KCNMA1: variants seen among roughly 807,000 people sequenced by gnomAD.
KCNMA1 encodes the protein potassium calcium-activated channel subfamily M alpha 1, also known as Calcium-activated potassium channel subunit alpha-1.
A neutral mutation model predicts 140.0 loss-of-function variants in KCNMA1; 29 were observed. The observed-to-expected ratio is 0.21, with a 90% CI of 0.15 to 0.28. KCNMA1 has a LOEUF of 0.28. KCNMA1 is among the 10% of genes least tolerant of loss of function. The probability of loss-of-function intolerance (pLI) is 1.00; values close to 1 mark genes in which losing one functional copy is unlikely to be tolerated. For synonymous variants in KCNMA1, 612 were observed against 611.9 expected, an observed-to-expected ratio of 1.00 and a Z score of 0.00; for missense variants, 880 against 1,602.2, an observed-to-expected ratio of 0.55 and a Z score of 7.70.
downstream of KCNMA1, chr10:76,884,085 A>C: frequency 8.0e-5 from 46 of 576,302 alleles, no homozygotes; most frequent in Non-Finnish European, 9.9e-5. Context: ...TCACAATATC[A>C]TCTCATTGGA....
chr10:77,385,743 T>C (rs1401085928), intron 2 of KCNMA1, among the ~76,000 whole-genome samples: 3 of 152,170 alleles, frequency 2.0e-5, no homozygotes, highest in Admixed American at 6.5e-5. Flanking sequence ...GGAAAGAGGA[T>C]AGGGGCCCTG....
chr10:76,916,948 C>A (rs1265178304), intron 23 of KCNMA1, among the ~76,000 whole-genome samples: 1 of 152,182 alleles, frequency 6.6e-6, no homozygotes, highest in Non-Finnish European at 1.5e-5. Context: ...TCCCTGACTG[C>A]ACTTAAATTG....
chr10:77,025,788 G>A (rs1249221141), intron 16 of KCNMA1, among the ~76,000 whole-genome samples: 4 of 152,028 alleles, frequency 2.6e-5, no homozygotes, highest in African/African-American at 9.7e-5. Context: ...TTTAAAAAAT[G>A]TGTGTTTTCA....
chr10:77,122,689 A>G (rs1197722435), intron 5 of KCNMA1, among the ~76,000 whole-genome samples: 1 of 152,230 alleles, frequency 6.6e-6, no homozygotes, highest in Non-Finnish European at 1.5e-5. Context: ...AGGACATAAC[A>G]GAAAAGAACT....
At chr10:77,341,002 C>T (rs145917961) in intron 2 of KCNMA1, among the ~76,000 whole-genome samples, 93 of 152,242 alleles carry the variant, frequency 6.1e-4, no homozygotes, top group African/African-American at 2.1e-3. Context: ...CAGGGAGACT[C>T]AGAGATGCTC....
intron 1 of KCNMA1, among the ~76,000 whole-genome samples, chr10:77,585,269 C>T (rs187060628): frequency 4.6e-5 from 7 of 152,320 alleles, no homozygotes; most frequent in African/African-American, 1.4e-4. Context: ...AGCCCCACAA[C>T]GCACTAGCCG....
intron 1 of KCNMA1, among the ~76,000 whole-genome samples, chr10:77,617,190 T>C (rs2089883075): frequency 6.6e-6 from 1 of 152,162 alleles, no homozygotes; most frequent in Non-Finnish European, 1.5e-5. Flanking sequence ...GGGGCTACAG[T>C]GAAGTGCATT....
chr10:77,080,650 C>T (rs998087705), intron 12 of KCNMA1, among the ~76,000 whole-genome samples: 1 of 152,074 alleles, frequency 6.6e-6, no homozygotes, highest in African/African-American at 2.4e-5. Context: ...TATGCATGTG[C>T]GTACTGGGGA....
intron 2 of KCNMA1, among the ~76,000 whole-genome samples, chr10:77,349,403 T>C (rs1360311348): frequency 6.6e-6 from 1 of 152,188 alleles, no homozygotes; most frequent in Admixed American, 6.5e-5. Flanking sequence ...CCCAAGTTTA[T>C]GGTATCTTGT....
intron 15 of KCNMA1, among the ~76,000 whole-genome samples, chr10:77,037,729 T>G (rs2095689730): frequency 6.6e-6 from 1 of 152,226 alleles, no homozygotes; most frequent in Non-Finnish European, 1.5e-5. Flanking sequence ...CTGGCAGCTC[T>G]GCTATGTGCT....
intron 19 of KCNMA1, among the ~76,000 whole-genome samples, chr10:76,984,338 A>G (rs911210576): frequency 1.3e-5 from 2 of 152,062 alleles, no homozygotes; most frequent in Non-Finnish European, 2.9e-5. Flanking sequence ...AGTAGCTGAG[A>G]TTATAGGCAC....
At chr10:76,877,955 T>A in intron 29 of KCNMA1, 2 of 1,513,486 alleles carry the variant, frequency 1.3e-6, no homozygotes, top group South Asian at 1.2e-5. Flanking sequence ...AGTCCTAGGG[T>A]AAAGCCTTTG....
intron 1 of KCNMA1, among the ~76,000 whole-genome samples, chr10:77,588,576 G>A (rs773001197): frequency 3.3e-5 from 5 of 152,344 alleles, no homozygotes; most frequent in South Asian, 4.1e-4. Context: ...CAGAGGTCCC[G>A]TGCTAGGCCT....
At chr10:77,045,777 A>G (rs897924892) in intron 14 of KCNMA1, among the ~76,000 whole-genome samples, 1 of 152,160 alleles carries the variant, frequency 6.6e-6, no homozygotes, top group African/African-American at 2.4e-5. Flanking sequence ...GAAAAATTCA[A>G]CTCTCCTGGC....
chr10:77,233,336 T>C (rs2054254227), intron 3 of KCNMA1, among the ~76,000 whole-genome samples: 1 of 152,206 alleles, frequency 6.6e-6, no homozygotes, highest in South Asian at 2.1e-4. Context: ...GATTCTTCAC[T>C]TGGGGCCATA....
chr10:77,374,702 T>A lies in KCNMA1; in HGVS notation c.540+29160A>T, dbSNP rs141462617. ...CTTGCTGATGCCTTGGTCTTTTCTATCCCTTCTCTTGCAGTTTCTTTAGGT... is the reference window on the plus strand; with the variant it reads ...CTTGCTGATGCCTTGGTCTTTTCTAACCCTTCTCTTGCAGTTTCTTTAGGT... On this transcript the variant is annotated intron_variant, in intron 2 of 27. Coordinates refer to ENST00000286628, the MANE Select transcript of KCNMA1 (RefSeq NM_001161352.2). 5.5e-3 allele frequency among the ~76,000 whole-genome samples: 840 copies of A among 152,274 alleles called. 8 individuals carry two copies. Among genetic ancestry groups the A allele is most frequent in the African/African-American group, 0.017 (698 of 41,564 alleles).
intron 1 of KCNMA1, among the ~76,000 whole-genome samples, chr10:77,623,646 T>G (rs1300018717): frequency 6.7e-6 from 1 of 150,274 alleles, no homozygotes; most frequent in Admixed American, 6.7e-5. Flanking sequence ...AAGGTTGAGG[T>G]GAGCCGAGAT....
At chr10:76,949,693 G>C (rs1591676847) in intron 21 of KCNMA1, among the ~76,000 whole-genome samples, 1 of 152,084 alleles carries the variant, frequency 6.6e-6, no homozygotes, top group African/African-American at 2.4e-5. Flanking sequence ...AAAATAAAAA[G>C]GAAAAGGAAT....
At chr10:76,968,128 T>G in intron 20 of KCNMA1, among the ~76,000 whole-genome samples, 1 of 152,120 alleles carries the variant, frequency 6.6e-6, no homozygotes, top group Non-Finnish European at 1.5e-5. Flanking sequence ...CTATTGCACA[T>G]AAAATGTAGC....
Sources: gnomAD v4.1 joint callset for allele counts (sites outside exome capture counted in the v4.1 genomes callset) on GRCh38, gnomAD v4.1.1 for gene constraint, MANE v1.5 for transcripts, NCBI Gene and HGNC (gene_info 2026-07-23, HGNC 2026-07-21) for gene names.